SGCZ: variants seen among roughly 807,000 people sequenced by gnomAD.
The protein encoded by SGCZ is zeta-sarcoglycan.
SGCZ carries 40 observed loss-of-function variants against 41.3 expected under a neutral mutation model. That is an observed-to-expected ratio of 0.97 (90% confidence interval 0.75 to 1.26). The LOEUF is 1.26. Among genes scored for constraint, SGCZ ranks in the 50% most tolerant of loss-of-function variants. The pLI is 0.00. For synonymous variants in SGCZ, 206 were observed against 137.5 expected (o/e 1.50, Z -3.49); for missense variants, 552 against 369.8 (o/e 1.49, Z -4.04).
rs1041300020 is a variant in SGCZ at position 14,659,325 on chromosome 8, G to T, written c.40-104399C>A. Among the ~76,000 whole-genome samples the T allele has an allele frequency of 1.3e-5, 2 of 151,986 alleles. 1 individual carries two copies. The highest frequency in any genetic ancestry group is 2.9e-5 in the Non-Finnish European group (2 of 68,014). ...TTTGATCATCACACAATGAATATAC[G>T]CATTGCAACATCACATTATACCCCA... is the stretch of plus-strand genomic sequence containing the variant. On this transcript the variant is annotated intron_variant, in intron 1 of 7. Transcript: ENST00000382080.
At chr8:14,940,757 G>A (rs1038161807) in intron 1 of SGCZ, among the ~76,000 whole-genome samples, 12 of 152,098 alleles carry the variant, frequency 7.9e-5, no homozygotes, top group African/African-American at 2.9e-4. Flanking sequence ...GTATGTGTGT[G>A]TGTGTCTGTG....
chr8:14,862,579 T>TATATATAC (rs1803792409), intron 1 of SGCZ, among the ~76,000 whole-genome samples: 1 of 96,058 alleles, frequency 1.0e-5, no homozygotes, highest in African/African-American at 3.6e-5. Context: ...TATATATATA[T>TATATATAC]ATACACACAC....
chr8:14,448,785 G>A (rs1271202937), intron 2 of SGCZ, among the ~76,000 whole-genome samples: 2 of 152,012 alleles, frequency 1.3e-5, no homozygotes, highest in Non-Finnish European at 2.9e-5. Flanking sequence ...TCAGTTCAAC[G>A]TCTGCCCTAC....
chr8:14,412,622 C>G (rs928112006), intron 2 of SGCZ, among the ~76,000 whole-genome samples: 2 of 152,078 alleles, frequency 1.3e-5, no homozygotes, highest in African/African-American at 2.4e-5. Flanking sequence ...AATGAGTAAC[C>G]TAACCTTTTA....
chr8:14,382,222 G>A (rs529368279), intron 2 of SGCZ, among the ~76,000 whole-genome samples: 1 of 152,224 alleles, frequency 6.6e-6, no homozygotes, highest in South Asian at 2.1e-4. Context: ...ACCCCCTTGA[G>A]CTCTTCTGTG....
intron 1 of SGCZ, among the ~76,000 whole-genome samples, chr8:14,751,371 C>A (rs907497367): frequency 6.6e-6 from 1 of 152,028 alleles, no homozygotes; most frequent in South Asian, 2.1e-4. Context: ...CTAGTCCATT[C>A]ATTAGTAGGA....
At chr8:14,145,902 G>A (rs536126101) in intron 5 of SGCZ, among the ~76,000 whole-genome samples, 2 of 152,242 alleles carry the variant, frequency 1.3e-5, no homozygotes, top group African/African-American at 2.4e-5. Context: ...ACAGTCAGAG[G>A]AGGCAAAAGA....
At chr8:15,034,018 T>A (rs1230448197) in intron 1 of SGCZ, among the ~76,000 whole-genome samples, 1 of 152,276 alleles carries the variant, frequency 6.6e-6, no homozygotes, top group Middle Eastern at 3.4e-3. Context: ...CTTCTTTAAA[T>A]GTACAGGCTT....
intron 1 of SGCZ, among the ~76,000 whole-genome samples, chr8:14,761,838 T>C (rs757310769): frequency 2.0e-5 from 3 of 152,090 alleles, no homozygotes; most frequent in Non-Finnish European, 4.4e-5. Flanking sequence ...CGGCCCTGAA[T>C]TGCAGATGTT....
At chr8:14,477,075 C>T (rs550663670) in intron 2 of SGCZ, among the ~76,000 whole-genome samples, 10 of 152,308 alleles carry the variant, frequency 6.6e-5, no homozygotes, top group East Asian at 1.9e-4. Context: ...TTAAACCCTA[C>T]TTATTCTACT....
chr8:14,726,353 G>A (rs4831309), intron 1 of SGCZ, among the ~76,000 whole-genome samples: 41,952 of 117,570 alleles, frequency 0.36, 6,952 homozygotes, highest in Admixed American at 0.45. Flanking sequence ...AAATTAGATA[G>A]GATTTTAAAA....
At chr8:14,342,360 A>G (rs1802740112) in intron 2 of SGCZ, among the ~76,000 whole-genome samples, 1 of 152,132 alleles carries the variant, frequency 6.6e-6, no homozygotes. Flanking sequence ...TCTGTCGCCC[A>G]GGCTGGAGTG....
At chr8:14,805,952 A>G (rs1801508780) in intron 1 of SGCZ, among the ~76,000 whole-genome samples, 2 of 150,704 alleles carry the variant, frequency 1.3e-5, no homozygotes, top group African/African-American at 2.4e-5. Flanking sequence ...AACTACATGG[A>G]AACTGAACAA....
chr8:14,408,506 C>A (rs911836018), intron 2 of SGCZ, among the ~76,000 whole-genome samples: 3 of 152,162 alleles, frequency 2.0e-5, no homozygotes, highest in African/African-American at 7.2e-5. Flanking sequence ...CGTCTCTCCC[C>A]TGAACTGCAC....
intron 1 of SGCZ, among the ~76,000 whole-genome samples, chr8:15,118,399 A>C (rs1807349976): frequency 6.6e-6 from 1 of 152,218 alleles, no homozygotes; most frequent in South Asian, 2.1e-4. Flanking sequence ...CAGTAAAAGA[A>C]GGGGGAGGCT....
intron 1 of SGCZ, among the ~76,000 whole-genome samples, chr8:14,854,736 G>A (rs970493739): frequency 1.3e-5 from 2 of 152,082 alleles, no homozygotes; most frequent in African/African-American, 4.8e-5. Context: ...AATACCAGCA[G>A]GAATTAGTTT....
chr8:14,749,329 T>C (rs1029442442), intron 1 of SGCZ, among the ~76,000 whole-genome samples: 4 of 152,282 alleles, frequency 2.6e-5, no homozygotes, highest in African/African-American at 9.6e-5. Context: ...ATGCTCAACA[T>C]GATGAAGTCA....
At chr8:14,147,754 C>T (rs533162279) in intron 5 of SGCZ, among the ~76,000 whole-genome samples, 10 of 152,226 alleles carry the variant, frequency 6.6e-5, no homozygotes, top group African/African-American at 2.2e-4. Context: ...CTACAAAATA[C>T]ATATTCTTTT....
chr8:14,706,562 T>C lies in SGCZ; in HGVS notation c.40-151636A>G, dbSNP rs1294606344. Reference sequence around the variant, plus strand: ...AAGTTGAATAGGACATTAGAGTTTATCAAGTCCAGTAATTCTAAGTTGGAA... The same window carrying C: ...AAGTTGAATAGGACATTAGAGTTTACCAAGTCCAGTAATTCTAAGTTGGAA... On this transcript the variant is annotated intron_variant, in intron 1 of 7. Transcript: ENST00000382080. Among the ~76,000 whole-genome samples, 4 of 152,090 alleles carry C rather than the reference T, an allele frequency of 2.6e-5. No homozygotes were observed. The East Asian group carries it at 7.7e-4, about 29-fold the overall frequency.
Sources: gnomAD v4.1 joint callset for allele counts (sites outside exome capture counted in the v4.1 genomes callset) on GRCh38, gnomAD v4.1.1 for gene constraint, MANE v1.5 for transcripts, NCBI Gene and HGNC (gene_info 2026-07-23, HGNC 2026-07-21) for gene names.